MRPS9: variants seen among roughly 807,000 people sequenced by gnomAD.
The protein encoded by MRPS9 is small ribosomal subunit protein uS9m.
In MRPS9, 45 loss-of-function variants were observed where a neutral mutation model predicts 59.9. That is an observed-to-expected ratio of 0.75 (90% CI 0.59 to 0.96). The LOEUF (loss-of-function observed/expected upper bound fraction) is 0.96, where lower values mean the gene tolerates loss of function less well. Among genes scored for constraint, MRPS9 ranks in the 40% least tolerant of loss-of-function variants. The pLI, the probability that MRPS9 is intolerant of heterozygous loss-of-function variation, is 0.00. For synonymous variants in MRPS9, 171 were observed against 166.8 expected (o/e 1.03, Z -0.19); for missense variants, 473 against 481.1 (o/e 0.98, Z 0.16).
chr2:105,097,712 T>C (rs1278564275), intron 10 of MRPS9, among the ~76,000 whole-genome samples: 3 of 152,228 alleles, frequency 2.0e-5, no homozygotes, highest in Non-Finnish European at 2.9e-5. Context: ...GTTTTTTGTT[T>C]TTGTTTTTTA....
chr2:105,081,070 A>C (rs1312484930), intron 5 of MRPS9, among the ~76,000 whole-genome samples: 2 of 152,210 alleles, frequency 1.3e-5, no homozygotes, highest in Non-Finnish European at 2.9e-5. Context: ...GCACAGCCTG[A>C]GGCTGCCCGG....
rs1197073474 is a variant in MRPS9 at position 105,069,332 on chromosome 2, A to G, written c.316-1981A>G. On this transcript the variant is annotated intron_variant, in intron 2 of 10. Coordinates refer to ENST00000258455, the MANE Select transcript of MRPS9 (RefSeq NM_182640.3). Reference sequence around the variant, plus strand: ...CAGGTTCAAACGATTCTCCTGCCTCAGCCTCCCAAGTAGCTGGGATTACAG... The same window carrying G: ...CAGGTTCAAACGATTCTCCTGCCTCGGCCTCCCAAGTAGCTGGGATTACAG... Among the ~76,000 whole-genome samples, 3 of 150,658 alleles carry G rather than the reference A, an allele frequency of 2.0e-5. No individual in the cohort carries two copies. In the South Asian group the frequency reaches 6.3e-4, roughly 32 times the overall value.
chr2:105,094,999 G>T (rs1680628832), intron 9 of MRPS9, among the ~76,000 whole-genome samples: 2 of 152,196 alleles, frequency 1.3e-5, no homozygotes, highest in Non-Finnish European at 2.9e-5. Context: ...AGATATCAGA[G>T]ATATTTAAGA....
chr2:105,060,585 TTG>T (rs947749194), intron 2 of MRPS9, among the ~76,000 whole-genome samples: 1 of 152,070 alleles, frequency 6.6e-6, no homozygotes, highest in African/African-American at 2.4e-5. Flanking sequence ...CTGGCCGCTA[TTG>T]TGTGTTTTGG....
At chr2:105,070,678 G>A (rs143847991) in intron 2 of MRPS9, among the ~76,000 whole-genome samples, 2 of 152,160 alleles carry the variant, frequency 1.3e-5, no homozygotes, top group Non-Finnish European at 2.9e-5. Context: ...GGAAAGGTGT[G>A]GGGGTGAGAT....
chr2:105,097,418 A>G (rs1680689591), intron 10 of MRPS9, 94 bp downstream of exon 10: 15 of 1,103,322 alleles, frequency 1.4e-5, no homozygotes, highest in South Asian at 2.5e-5. Flanking sequence ...GTAAGAAAAT[A>G]TATAGTTACA....
At chr2:105,089,603 A>T (rs1680518177) in intron 6 of MRPS9, among the ~76,000 whole-genome samples, 1 of 152,204 alleles carries the variant, frequency 6.6e-6, no homozygotes, top group African/African-American at 2.4e-5. Context: ...TTAACGTTGT[A>T]TCTATAACAT....
chr2:105,061,099 G>A (rs1348246438), intron 2 of MRPS9, among the ~76,000 whole-genome samples: 2 of 111,164 alleles, frequency 1.8e-5, no homozygotes, highest in Non-Finnish European at 1.7e-5. Context: ...GACAGAGCAG[G>A]ACTCTGTCTC....
At chr2:105,046,853 T>A (rs1478130445) in intron 1 of MRPS9, among the ~76,000 whole-genome samples, 1 of 152,076 alleles carries the variant, frequency 6.6e-6, no homozygotes, top group Non-Finnish European at 1.5e-5. Flanking sequence ...GAGAATTATC[T>A]ACTATATGAT....
chr2:105,056,833 G>T (rs1679799056), intron 2 of MRPS9, among the ~76,000 whole-genome samples: 1 of 152,094 alleles, frequency 6.6e-6, no homozygotes, highest in African/African-American at 2.4e-5. Flanking sequence ...TGGTAAAAAG[G>T]AATAAGATGG....
intron 4 of MRPS9, among the ~76,000 whole-genome samples, chr2:105,073,078 TGTTTGTA>T (rs1680143583): frequency 6.6e-6 from 1 of 152,198 alleles, no homozygotes; most frequent in Non-Finnish European, 1.5e-5. Context: ...TTTCGGTAAA[TGTTTGTA>T]ATGACAGTGA....
chr2:105,039,229 T>TA (rs11326307), intron 1 of MRPS9, among the ~76,000 whole-genome samples: 29 of 147,590 alleles, frequency 2.0e-4, no homozygotes, highest in Admixed American at 2.7e-4. Context: ...AAACTATATT[T>TA]AAAAAAAAAA....
At chr2:105,057,456 G>A (rs1168780518) in intron 2 of MRPS9, among the ~76,000 whole-genome samples, 1 of 152,176 alleles carries the variant, frequency 6.6e-6, no homozygotes, top group African/African-American at 2.4e-5. Context: ...CTTGAGCTGA[G>A]TGAGTCTTGT....
At chr2:105,080,906 T>TGG (rs776619002) in intron 5 of MRPS9, among the ~76,000 whole-genome samples, 28,399 of 151,578 alleles carry the variant, frequency 0.19, 2,729 homozygotes, top group Middle Eastern at 0.34. Flanking sequence ...ATTTATTTCT[T>TGG]GGGGGAAAAA....
intron 2 of MRPS9, among the ~76,000 whole-genome samples, chr2:105,056,015 A>G (rs1679785539): frequency 6.6e-6 from 1 of 152,208 alleles, no homozygotes; most frequent in African/African-American, 2.4e-5. Context: ...TCAGGAAGTT[A>G]GATATTCCAC....
chr2:105,056,599 C>T (rs1006762113), intron 2 of MRPS9, among the ~76,000 whole-genome samples: 2 of 152,180 alleles, frequency 1.3e-5, no homozygotes, highest in Non-Finnish European at 2.9e-5. Context: ...CTACGTGCCC[C>T]TCCTAGTAAG....
chr2:105,063,356 A>C (rs1423451103), intron 2 of MRPS9, among the ~76,000 whole-genome samples: 4 of 152,234 alleles, frequency 2.6e-5, no homozygotes, highest in South Asian at 4.1e-4. Context: ...GTGTATATAC[A>C]TATGTATTTA....
chr2:105,095,837 A>G (rs1374292045), intron 9 of MRPS9, among the ~76,000 whole-genome samples: 6 of 150,972 alleles, frequency 4.0e-5, no homozygotes, highest in African/African-American at 1.5e-4. Flanking sequence ...TTAAGAGACA[A>G]GGTCTCTTTA....
intron 10 of MRPS9, 74 bp downstream of exon 10, chr2:105,097,398 C>A: frequency 7.5e-7 from 1 of 1,332,312 alleles, no homozygotes; most frequent in Non-Finnish European, 9.8e-7. Flanking sequence ...TGTCCTAGTG[C>A]CTGAAGTTCG....
Sources: gnomAD v4.1 joint callset for allele counts (sites outside exome capture counted in the v4.1 genomes callset) on GRCh38, gnomAD v4.1.1 for gene constraint, MANE v1.5 for transcripts, NCBI Gene and HGNC (gene_info 2026-07-23, HGNC 2026-07-21) for gene names.